Variants in IGF2BP3 observed in about 807,000 individuals in gnomAD.
IGF2BP3 encodes the protein insulin like growth factor 2 mRNA binding protein 3, also known as insulin-like growth factor 2 mRNA-binding protein 3.
In IGF2BP3, 9 loss-of-function variants were observed where a neutral mutation model predicts 73.8. The observed-to-expected ratio is 0.12, with a 90% CI of 0.07 to 0.21. IGF2BP3 has a LOEUF of 0.21. IGF2BP3 is among the 10% of genes least tolerant of loss of function. The pLI is 1.00. For synonymous variants in IGF2BP3, 258 were observed against 256.7 expected, an observed-to-expected ratio of 1.01 and a Z score of -0.05; for missense variants, 542 against 714.0, an observed-to-expected ratio of 0.76 and a Z score of 2.75.
chr7:23,345,436 C>G (rs1437503289), intron 8 of IGF2BP3, among the ~76,000 whole-genome samples: 3 of 152,216 alleles, frequency 2.0e-5, no homozygotes, highest in Non-Finnish European at 4.4e-5. Flanking sequence ...TGAGAACACT[C>G]AAGCAGCTCT....
chr7:23,342,335 T>G, intron 9 of IGF2BP3, 146 bp from the exon 10 acceptor site: 1 of 872,208 alleles, frequency 1.1e-6, no homozygotes, highest in Non-Finnish European at 1.8e-6. Context: ...GGGACTCTAC[T>G]TGAGTACATC....
At chr7:23,468,670 G>A (rs1788628453) in intron 1 of IGF2BP3, 128 bp from the exon 2 acceptor site, 1 of 865,352 alleles carries the variant, frequency 1.2e-6, no homozygotes, top group Non-Finnish European at 1.9e-6. Flanking sequence ...AGGCCCGGAC[G>A]CGGCTCCAGG....
intron 2 of IGF2BP3, among the ~76,000 whole-genome samples, chr7:23,463,714 A>G (rs1562766408): frequency 6.6e-6 from 1 of 152,216 alleles, no homozygotes; most frequent in East Asian, 1.9e-4. Flanking sequence ...TCTTCCTCAG[A>G]GTTACTGTGG....
chr7:23,425,276 G>T (rs1286944344), intron 2 of IGF2BP3, among the ~76,000 whole-genome samples: 1 of 152,150 alleles, frequency 6.6e-6, no homozygotes, highest in South Asian at 2.1e-4. Flanking sequence ...TTATGTAGTG[G>T]TCCAAAGTCA....
At chr7:23,383,867 C>T (rs548242438) in intron 3 of IGF2BP3, among the ~76,000 whole-genome samples, 8 of 152,000 alleles carry the variant, frequency 5.3e-5, no homozygotes, top group South Asian at 2.1e-4. Context: ...GAGGCCGAGG[C>T]GGGCAGATCA....
rs968297808 is a variant in IGF2BP3, at chr7:23,310,806, TTA to T, written c.*1554_*1555del. ...AGGCAGTGATTTTTTTTTTAAAGGG[TTA>T]TATATATGTCCTTTAGATCAGTGTA... On this transcript the variant is annotated 3_prime_UTR_variant, in exon 15 of 15. Transcript: ENST00000258729. The T allele has an allele frequency of 6.6e-6, 1 of 151,938 alleles. No individual in the cohort carries two copies. Among genetic ancestry groups the T allele is most frequent in the Non-Finnish European group, 1.5e-5 (1 of 67,990 alleles). 9.4% of individuals were successfully genotyped at this position (151,938 alleles called of 1,614,324 possible). A position where few individuals can be genotyped will look rare whatever the true frequency, so the allele number is the denominator to read the frequency against.
chr7:23,397,365 A>G (rs964267649), intron 3 of IGF2BP3, among the ~76,000 whole-genome samples: 1 of 152,214 alleles, frequency 6.6e-6, no homozygotes, highest in Admixed American at 6.5e-5. Flanking sequence ...AGAATGGCCT[A>G]AGGCCCAGGA....
At chr7:23,406,385 C>T (rs531010960) in intron 3 of IGF2BP3, among the ~76,000 whole-genome samples, 63 of 152,156 alleles carry the variant, frequency 4.1e-4, no homozygotes, top group Non-Finnish European at 1.6e-4. Context: ...AGTGGGTTCT[C>T]GGTCTCGCTG....
At chr7:23,317,578 G>A (rs1784025351) in intron 12 of IGF2BP3, 61 bp downstream of exon 12, 3 of 1,270,366 alleles carry the variant, frequency 2.4e-6, no homozygotes. Context: ...GGAGACGCCA[G>A]GTTATGGACT....
intron 2 of IGF2BP3, among the ~76,000 whole-genome samples, chr7:23,428,391 G>A (rs930899315): frequency 6.6e-6 from 1 of 151,864 alleles, no homozygotes; most frequent in African/African-American, 2.4e-5. Context: ...AGAATCGCTT[G>A]AACTCGGGAG....
chr7:23,361,786 G>C (rs1785237171), intron 3 of IGF2BP3, 45 bp from the exon 4 acceptor site: 1 of 1,531,096 alleles, frequency 6.5e-7, no homozygotes, highest in African/African-American at 1.4e-5. Flanking sequence ...AGTTTCCCAA[G>C]TTATTATCAA....
intron 3 of IGF2BP3, among the ~76,000 whole-genome samples, chr7:23,371,158 CA>C (rs1451126759): frequency 6.6e-6 from 1 of 151,456 alleles, no homozygotes; most frequent in Non-Finnish European, 1.5e-5. Flanking sequence ...CTTGCCAACA[CA>C]CACACACACA....
chr7:23,384,029 G>A (rs1388813952), intron 3 of IGF2BP3, among the ~76,000 whole-genome samples: 1 of 147,448 alleles, frequency 6.8e-6, no homozygotes, highest in Non-Finnish European at 1.5e-5. Context: ...CTGGGAGGAA[G>A]AGGTTGCAGT....
At chr7:23,367,487 T>C (rs1289523821) in intron 3 of IGF2BP3, among the ~76,000 whole-genome samples, 1 of 140,944 alleles carries the variant, frequency 7.1e-6, no homozygotes, top group East Asian at 1.9e-4. Context: ...CTTTCCACTC[T>C]ATATTTCCAA....
In IGF2BP3 at chr7:23,399,558, C is replaced by G. The variant is rs75181809; in HGVS notation, c.285+19218G>C. Among the ~76,000 whole-genome samples, 145 of 152,234 alleles carry G rather than the reference C, an allele frequency of 9.5e-4. 1 individual carries two copies. The East Asian group carries it at 0.022, about 23-fold the overall frequency. ...CAACCTTGACTTTAACCCACAGAGACTGATTTCAGACTCCTGGCTTCTAGA... is the reference window on the plus strand; with the variant it reads ...CAACCTTGACTTTAACCCACAGAGAGTGATTTCAGACTCCTGGCTTCTAGA... On this transcript the variant is annotated intron_variant, in intron 3 of 14. Transcript: ENST00000258729.
At chr7:23,352,604 T>G (rs1485215014) in intron 5 of IGF2BP3, among the ~76,000 whole-genome samples, 1 of 152,136 alleles carries the variant, frequency 6.6e-6, no homozygotes, top group Non-Finnish European at 1.5e-5. Flanking sequence ...TCATTCTTGA[T>G]CTTTATTTTA....
chr7:23,448,463 G>A (rs760213803), intron 2 of IGF2BP3, among the ~76,000 whole-genome samples: 5 of 152,102 alleles, frequency 3.3e-5, no homozygotes, highest in Non-Finnish European at 5.9e-5. Flanking sequence ...AGGCTGGAGG[G>A]CGTAGCACAA....
intron 7 of IGF2BP3, among the ~76,000 whole-genome samples, chr7:23,346,569 AATAG>A (rs1359259606): frequency 1.3e-5 from 2 of 151,904 alleles, no homozygotes; most frequent in Non-Finnish European, 2.9e-5. Context: ...CATTGTGGTT[AATAG>A]ATGGTGGGCT....
In IGF2BP3 at chr7:23,346,346, T is replaced by C. The variant is rs367551057; in HGVS notation, c.819-284A>G. ...ACTCAAAACCATATTCCTAAACCCC[T>C]ACTACCAGAACACAACGTACAAATA... On this transcript the variant is annotated intron_variant, in intron 7 of 14. Transcript: ENST00000258729. Among the ~76,000 whole-genome samples, 4 of 152,132 alleles carry C rather than the reference T, an allele frequency of 2.6e-5. No homozygotes were observed. The East Asian group carries it at 7.7e-4, about 29-fold the overall frequency.
Sources: gnomAD v4.1 joint callset for allele counts (sites outside exome capture counted in the v4.1 genomes callset) on GRCh38, gnomAD v4.1.1 for gene constraint, MANE v1.5 for transcripts, NCBI Gene and HGNC (gene_info 2026-07-23, HGNC 2026-07-21) for gene names.